The following PTPRQ variants were observed in gnomAD, a reference collection of about 807,000 sequenced individuals.
The protein encoded by PTPRQ is phosphatidylinositol phosphatase PTPRQ.
In PTPRQ, 199 loss-of-function variants were observed where a neutral mutation model predicts 246.0. The ratio of observed to expected loss-of-function variants is 0.81; its 90% CI spans 0.72 to 0.91. The LOEUF is 0.91. Among genes scored for constraint, PTPRQ ranks in the 40% least tolerant of loss-of-function variants. The pLI is 0.00. For missense variants in PTPRQ, 2,624 were observed against 2,528.4 expected, an observed-to-expected ratio of 1.04 and a Z score of -0.81; for synonymous variants, 869 against 853.2, an observed-to-expected ratio of 1.02 and a Z score of -0.32.
chr12:80,495,409 T>C (rs1273531723), intron 12 of PTPRQ, 38 bp downstream of exon 12: 4 of 1,483,530 alleles, frequency 2.7e-6, no homozygotes, highest in Non-Finnish European at 3.6e-6. Flanking sequence ...TTGTTGTTCA[T>C]TTTACATTTC....
At chr12:80,530,433 A>G (rs1476571915) in intron 17 of PTPRQ, among the ~76,000 whole-genome samples, 1 of 152,106 alleles carries the variant, frequency 6.6e-6, no homozygotes, top group East Asian at 1.9e-4. Context: ...ATTTTGTTGG[A>G]TTTTGTTGAA....
intron 17 of PTPRQ, among the ~76,000 whole-genome samples, chr12:80,525,707 C>G (rs1464586825): frequency 1.3e-5 from 2 of 151,682 alleles, no homozygotes; most frequent in Non-Finnish European, 2.9e-5. Context: ...GGGTTTCTTA[C>G]TCTGTGTATG....
intron 14 of PTPRQ, among the ~76,000 whole-genome samples, chr12:80,499,162 C>G (rs1223660608): frequency 6.6e-6 from 1 of 151,816 alleles, no homozygotes; most frequent in African/African-American, 2.4e-5. Context: ...TTACAGGCCT[C>G]ACTTAATAGG....
intron 17 of PTPRQ, among the ~76,000 whole-genome samples, chr12:80,518,154 T>C (rs1436630448): frequency 6.6e-6 from 1 of 152,182 alleles, no homozygotes; most frequent in East Asian, 1.9e-4. Flanking sequence ...TGTTATTGCC[T>C]GTCTTTTGGA....
chr12:80,591,317 T>C (rs1328121048), intron 26 of PTPRQ, among the ~76,000 whole-genome samples: 2 of 151,946 alleles, frequency 1.3e-5, no homozygotes, highest in Non-Finnish European at 2.9e-5. Context: ...TTGATAGAGA[T>C]GAGGTCTCAC....
At chr12:80,476,989 T>A (rs921481995) in intron 8 of PTPRQ, among the ~76,000 whole-genome samples, 3 of 152,216 alleles carry the variant, frequency 2.0e-5, no homozygotes, top group Admixed American at 1.3e-4. Flanking sequence ...CAAGTTGAAC[T>A]GTAAATAAAA....
chr12:80,622,154 C>T lies in PTPRQ; in HGVS notation c.5686+20C>T. ...CTTTAGGTAAGACATTTTTGTAATT[C>T]ATTTATAATCTCAACATATTTATCA... is the stretch of plus-strand genomic sequence containing the variant. On this transcript the variant is annotated intron_variant, in intron 33 of 44. Coordinates refer to ENST00000644991, the MANE Select transcript of PTPRQ (RefSeq NM_001145026.2). The T allele has an allele frequency of 3.6e-6, 5 of 1,370,632 alleles. No homozygotes were observed. Among genetic ancestry groups the T allele is most frequent in the Non-Finnish European group, 4.8e-6 (5 of 1,044,060 alleles). The allele number at this position is 1,370,632 out of a possible 1,614,324, so 84.9% of individuals were successfully genotyped here. A position where few individuals can be genotyped will look rare whatever the true frequency, so the allele number is the denominator to read the frequency against.
In PTPRQ at chr12:80,506,448, A is replaced by C; in HGVS notation, c.2456-121A>C. ...TAAGAGCTACTATTGCCAAAGAATG[A>C]CATTTTCACTTAGTTTTTATTTTTG... On this transcript the variant is annotated intron_variant, in intron 15 of 44. Coordinates refer to ENST00000644991, the MANE Select transcript of PTPRQ (RefSeq NM_001145026.2). 4.5e-6 allele frequency: 4 copies of C among 889,660 alleles called. No homozygotes were observed. The South Asian group carries it at 7.8e-5, about 17-fold the overall frequency. 55.1% of individuals were successfully genotyped at this position (889,660 alleles called of 1,614,324 possible).
chr12:80,644,047 T>C (rs897035130), intron 35 of PTPRQ, among the ~76,000 whole-genome samples: 1 of 152,202 alleles, frequency 6.6e-6, no homozygotes, highest in African/African-American at 2.4e-5. Flanking sequence ...TTATCATCTG[T>C]GGCTCTCTAT....
At chr12:80,479,419 A>T (rs1338545920) in intron 8 of PTPRQ, among the ~76,000 whole-genome samples, 4 of 152,076 alleles carry the variant, frequency 2.6e-5, no homozygotes, top group African/African-American at 9.7e-5. Context: ...CCACTGCAAA[A>T]TCATGCCAAA....
intron 14 of PTPRQ, among the ~76,000 whole-genome samples, chr12:80,501,942 C>CAAAA (rs10679738): frequency 0.2 from 30,083 of 147,532 alleles, 3,267 homozygotes; most frequent in African/African-American, 0.28. Flanking sequence ...GTATGATAGG[C>CAAAA]AAAAAAAAAT....
chr12:80,602,134 A>G (rs1158975402), intron 26 of PTPRQ, among the ~76,000 whole-genome samples: 1 of 151,788 alleles, frequency 6.6e-6, no homozygotes, highest in Non-Finnish European at 1.5e-5. Context: ...AGTTTTCAGA[A>G]GTACAAATAG....
At chr12:80,608,667 AC>A in intron 27 of PTPRQ, among the ~76,000 whole-genome samples, 1 of 149,756 alleles carries the variant, frequency 6.7e-6, no homozygotes, top group East Asian at 2.0e-4. Context: ...CTCTTGAAAG[AC>A]CTGGGCTCAA....
At position 80,605,145 on chromosome 12, in the gene PTPRQ, A is replaced by T. The variant is rs1262103251; in HGVS notation, c.4696A>T (p.Thr1566Ser). The T allele has an allele frequency of 3.9e-6, 6 of 1,545,094 alleles. No individual in the cohort carries two copies. The East Asian group carries it at 1.5e-4, about 38-fold the overall frequency. Reference protein sequence around the residue: ...SISWSEPAVITGPTCYLIDVK... With the variant: ...SISWSEPAVISGPTCYLIDVK... The stretch of plus-strand genomic sequence containing the variant: ...AAGCTGGAGTGAACCTGCTGTCATT[A>T]CTGGACCAACATGTTATCTGATTGA... Residue 1566 changes from threonine to serine, a missense_variant, in exon 27 of 45, where the codon ACT (threonine) becomes TCT (serine). Transcript: ENST00000644991.
At chr12:80,501,938 T>C (rs1182061517) in intron 14 of PTPRQ, among the ~76,000 whole-genome samples, 1 of 127,022 alleles carries the variant, frequency 7.9e-6, no homozygotes, top group East Asian at 2.0e-4. Flanking sequence ...CAGAGTATGA[T>C]AGGCAAAAAA....
intron 27 of PTPRQ, among the ~76,000 whole-genome samples, chr12:80,606,204 G>A (rs926409256): frequency 9.9e-5 from 15 of 151,110 alleles, no homozygotes; most frequent in Non-Finnish European, 1.9e-4. Flanking sequence ...ACACCCATTG[G>A]CAGTATTAAA....
At position 80,673,261 on chromosome 12, in the gene PTPRQ, T is replaced by C. The variant is rs375150180; in HGVS notation, c.6695T>C (p.Val2232Ala). 2.8e-5 allele frequency: 43 copies of C among 1,550,710 alleles called. No homozygotes were observed. Among genetic ancestry groups the C allele is most frequent in the East Asian group, 2.4e-4 (10 of 40,868 alleles). Residue 2232 changes from valine (V) to alanine (A), a missense_variant, in exon 43 of 45, where the codon GTA (valine) becomes GCA (alanine). Coordinates refer to ENST00000644991, the MANE Select transcript of PTPRQ (RefSeq NM_001145026.2). ...GATTTTGTGGATATATATGGACTAG[T>C]AGCTGAACTGAGAAGTGAAAGAATG... ...DHDFVDIYGL[V>A]AELRSERMCM...
rs573172745 is a variant in PTPRQ at position 80,557,134 on chromosome 12, C to T, written c.4285+7400C>T. Among the ~76,000 whole-genome samples, 10 of 152,206 alleles carry T rather than the reference C, an allele frequency of 6.6e-5. No homozygotes were observed. The South Asian group carries it at 2.1e-3, about 32-fold the overall frequency. On this transcript the variant is annotated intron_variant, in intron 25 of 44. Transcript: ENST00000644991. ...TGTTCATTACATATTTACTGAGCCT[C>T]CTAAGTAATACAGAATAAAATCTCC...
intron 28 of PTPRQ, among the ~76,000 whole-genome samples, chr12:80,612,671 C>T (rs1402102223): frequency 8.6e-5 from 13 of 150,360 alleles, no homozygotes; most frequent in African/African-American, 1.2e-4. Context: ...ACCCAGTAGT[C>T]ACACTCTTGG....
Sources: gnomAD v4.1 joint callset for allele counts (sites outside exome capture counted in the v4.1 genomes callset) on GRCh38, gnomAD v4.1.1 for gene constraint, MANE v1.5 for transcripts, NCBI Gene and HGNC (gene_info 2026-07-23, HGNC 2026-07-21) for gene names.